The following XRCC4 variants were observed in gnomAD, a reference collection of about 807,000 sequenced individuals.
The protein encoded by XRCC4 is X-ray repair cross complementing 4.
A neutral mutation model predicts 39.1 loss-of-function variants in XRCC4; 28 were observed. The ratio of observed to expected loss-of-function variants is 0.72; its 90% CI spans 0.53 to 0.98. XRCC4 has a LOEUF of 0.98. XRCC4 is among the 50% of genes least tolerant of loss of function. The probability of loss-of-function intolerance (pLI) is 0.00; values close to 1 mark genes in which losing one functional copy is unlikely to be tolerated. For missense variants in XRCC4, 350 were observed against 376.4 expected, an observed-to-expected ratio of 0.93 and a Z score of 0.58; for synonymous variants, 123 against 126.4, an observed-to-expected ratio of 0.97 and a Z score of 0.18.
intron 3 of XRCC4, among the ~76,000 whole-genome samples, chr5:83,188,239 G>C (rs1750540926): frequency 6.6e-6 from 1 of 152,054 alleles, no homozygotes; most frequent in African/African-American, 2.4e-5. Context: ...CAAGGTGAAG[G>C]ATCTGCCTTC....
intron 3 of XRCC4, among the ~76,000 whole-genome samples, chr5:83,178,866 T>C (rs1000519522): frequency 6.6e-6 from 1 of 152,166 alleles, no homozygotes; most frequent in African/African-American, 2.4e-5. Flanking sequence ...TATTTCTCAG[T>C]TGTAATTTTT....
chr5:83,237,265 C>A (rs1288973526), intron 6 of XRCC4, among the ~76,000 whole-genome samples: 2 of 152,008 alleles, frequency 1.3e-5, no homozygotes, highest in East Asian at 3.9e-4. Context: ...TATTCTCATG[C>A]TTATTGCAAC....
At chr5:83,333,179 A>G (rs373266134) in intron 7 of XRCC4, among the ~76,000 whole-genome samples, 25 of 151,958 alleles carry the variant, frequency 1.6e-4, no homozygotes, top group African/African-American at 4.1e-4. Context: ...TTCTAATGGA[A>G]CTCTTATTTG....
chr5:83,100,630 T>A (rs1258480728), intron 1 of XRCC4, among the ~76,000 whole-genome samples: 1 of 152,080 alleles, frequency 6.6e-6, no homozygotes, highest in East Asian at 1.9e-4. Context: ...TCTGTATAAG[T>A]ATGTGTGCAT....
chr5:83,303,466 A>G (rs1177308086), intron 7 of XRCC4, among the ~76,000 whole-genome samples: 1 of 152,190 alleles, frequency 6.6e-6, no homozygotes, highest in Non-Finnish European at 1.5e-5. Flanking sequence ...TGGTTGGTGA[A>G]TGAATGCTTT....
intron 7 of XRCC4, among the ~76,000 whole-genome samples, chr5:83,350,577 G>A (rs1175667944): frequency 6.6e-6 from 1 of 152,042 alleles, no homozygotes; most frequent in African/African-American, 2.4e-5. Context: ...CTCTTGAGAA[G>A]TGTCTGTTCA....
intron 3 of XRCC4, among the ~76,000 whole-genome samples, chr5:83,111,508 C>T (rs1746444521): frequency 6.6e-6 from 1 of 151,596 alleles, no homozygotes; most frequent in Non-Finnish European, 1.5e-5. Flanking sequence ...AGTTTTAGGC[C>T]ATCGTGACAG....
intron 6 of XRCC4, among the ~76,000 whole-genome samples, chr5:83,237,183 T>G (rs1398658159): frequency 6.6e-6 from 1 of 151,986 alleles, no homozygotes; most frequent in East Asian, 1.9e-4. Context: ...TAGAACTACC[T>G]TGGAATCCAG....
In XRCC4 at chr5:83,186,941, A is replaced by ATTTTTTTTTTTT. The variant is rs770811313; in HGVS notation, c.316-8820_316-8809dup. 1.0e-3 allele frequency among the ~76,000 whole-genome samples: 91 copies of ATTTTTTTTTTTT among 87,490 alleles called. 17 individuals are homozygous for ATTTTTTTTTTTT. Among genetic ancestry groups the ATTTTTTTTTTTT allele is most frequent in the African/African-American group, 5.1e-3 (85 of 16,634 alleles). 57.4% of individuals were successfully genotyped at this position (87,490 alleles called of 152,430 possible). On this transcript the variant is annotated intron_variant, in intron 3 of 7. Coordinates refer to ENST00000396027, the MANE Select transcript of XRCC4 (RefSeq NM_003401.5). Reference sequence around the variant, plus strand: ...TTTTGGCTCATGGCCTGCTTCTTCCATTTTTTTTTTTTTTTTTTTTGAGAC... The same window carrying ATTTTTTTTTTTT: ...TTTTGGCTCATGGCCTGCTTCTTCCATTTTTTTTTTTTTTTTTTTTTTTTTTTTTTTTGAGAC...
At chr5:83,214,204 A>G (rs1751758764) in intron 6 of XRCC4, among the ~76,000 whole-genome samples, 1 of 152,218 alleles carries the variant, frequency 6.6e-6, no homozygotes, top group African/African-American at 2.4e-5. Context: ...AATTCTAGGC[A>G]GGGCAATTAG....
chr5:83,221,713 A>G (rs539577090), intron 6 of XRCC4, among the ~76,000 whole-genome samples: 1 of 152,086 alleles, frequency 6.6e-6, no homozygotes, highest in South Asian at 2.1e-4. Context: ...GCTCAGTCCT[A>G]GATTAAAGGG....
intron 3 of XRCC4, among the ~76,000 whole-genome samples, chr5:83,194,437 G>A (rs1247698562): frequency 1.3e-5 from 2 of 152,102 alleles, no homozygotes; most frequent in African/African-American, 2.4e-5. Context: ...CAAACTGTAC[G>A]AATGCAGTTT....
the XRCC4 span, among the ~76,000 whole-genome samples, chr5:83,360,385 A>G: frequency 1.3e-5 from 2 of 152,140 alleles, no homozygotes; most frequent in African/African-American, 4.8e-5. Context: ...TGATATTAGA[A>G]ACAACCTGTT....
At chr5:83,089,258 A>C (rs1745313902) in intron 1 of XRCC4, among the ~76,000 whole-genome samples, 1 of 152,250 alleles carries the variant, frequency 6.6e-6, no homozygotes, top group South Asian at 2.1e-4. Flanking sequence ...TGAAACTATC[A>C]AAGTTCCATT....
intron 1 of XRCC4, among the ~76,000 whole-genome samples, chr5:83,083,668 G>T (rs1745059548): frequency 2.0e-5 from 3 of 151,490 alleles, no homozygotes; most frequent in African/African-American, 7.3e-5. Context: ...GAAGGTGCTG[G>T]GATTACAGGC....
chr5:83,148,284 G>T (rs1441651640), intron 3 of XRCC4, among the ~76,000 whole-genome samples: 2 of 152,140 alleles, frequency 1.3e-5, no homozygotes, highest in Non-Finnish European at 2.9e-5. Flanking sequence ...AGTTTTGGTG[G>T]TTATTGTATT....
In XRCC4 at chr5:83,132,786, T is replaced by C. The variant is rs547370777; in HGVS notation, c.315+21583T>C. On this transcript the variant is annotated intron_variant, in intron 3 of 7. Transcript: ENST00000396027. The stretch of plus-strand genomic sequence containing the variant: ...TTATTCTAGTTAGCCATTCATCTCA[T>C]CTTTTTTCAAGGTTATTAGCTTCTT... Among the ~76,000 whole-genome samples the C allele has an allele frequency of 9.2e-5, 14 of 152,244 alleles. No homozygotes were observed. In the East Asian group the frequency reaches 2.7e-3, roughly 30 times the overall value.
At chr5:83,109,381 A>T (rs547721289) in intron 2 of XRCC4, among the ~76,000 whole-genome samples, 1 of 152,026 alleles carries the variant, frequency 6.6e-6, no homozygotes, top group Admixed American at 6.6e-5. Flanking sequence ...CCATTACTTG[A>T]TCTCTGTGAG....
At chr5:83,190,626 C>A (rs1750651837) in intron 3 of XRCC4, among the ~76,000 whole-genome samples, 1 of 152,050 alleles carries the variant, frequency 6.6e-6, no homozygotes, top group East Asian at 1.9e-4. Flanking sequence ...ATATTTTAAG[C>A]AGGATATCAA....
Sources: gnomAD v4.1 joint callset for allele counts (sites outside exome capture counted in the v4.1 genomes callset) on GRCh38, gnomAD v4.1.1 for gene constraint, MANE v1.5 for transcripts, NCBI Gene and HGNC (gene_info 2026-07-23, HGNC 2026-07-21) for gene names.